The following TTLL11 variants were observed in gnomAD, a reference collection of about 807,000 sequenced individuals.
The protein encoded by TTLL11 is tubulin polyglutamylase TTLL11.
In TTLL11, 42 loss-of-function variants were observed where a neutral mutation model predicts 51.7. That is an observed-to-expected ratio of 0.81 (90% CI 0.64 to 1.05). The LOEUF (loss-of-function observed/expected upper bound fraction) is 1.05, where lower values mean the gene tolerates loss of function less well. Ranked by LOEUF, TTLL11 falls within the 50% of genes least tolerant of loss-of-function variation. The pLI, the probability that TTLL11 is intolerant of heterozygous loss-of-function variation, is 0.00. For synonymous variants in TTLL11, 381 were observed against 383.5 expected (o/e 0.99, Z 0.08); for missense variants, 799 against 940.4 (o/e 0.85, Z 1.97).
At chr9:122,067,017 G>A (rs1234653577) in intron 1 of TTLL11, among the ~76,000 whole-genome samples, 1 of 152,084 alleles carries the variant, frequency 6.6e-6, no homozygotes, top group Non-Finnish European at 1.5e-5. Flanking sequence ...ACCTTCACCT[G>A]GTCTCTCCCT....
chr9:122,090,102 C>A (rs1300339328), intron 1 of TTLL11, among the ~76,000 whole-genome samples: 1 of 152,130 alleles, frequency 6.6e-6, no homozygotes, highest in Non-Finnish European at 1.5e-5. Flanking sequence ...GTGACCAGTG[C>A]AACAGTCTCA....
chr9:122,073,186 G>T (rs144372639), intron 1 of TTLL11, among the ~76,000 whole-genome samples: 1 of 152,106 alleles, frequency 6.6e-6, no homozygotes, highest in African/African-American at 2.4e-5. Context: ...GAGATAGGCG[G>T]ATCACTTGAG....
intron 6 of TTLL11, among the ~76,000 whole-genome samples, chr9:121,897,741 C>G (rs1041673653): frequency 6.6e-6 from 1 of 152,146 alleles, no homozygotes; most frequent in East Asian, 1.9e-4. Flanking sequence ...CCCATGTCTC[C>G]ATTCTGATGC....
At chr9:121,958,069 C>T (rs1036780536) in intron 6 of TTLL11, among the ~76,000 whole-genome samples, 1 of 152,236 alleles carries the variant, frequency 6.6e-6, no homozygotes, top group Admixed American at 6.5e-5. Context: ...AGATCTGCTT[C>T]AGTGCCTTAT....
rs1007006705 is a variant in TTLL11 at position 121,820,479 on chromosome 9, G to T, written c.*2108C>A. Among the ~76,000 whole-genome samples, 2 of 152,108 alleles carry T rather than the reference G, an allele frequency of 1.3e-5. No homozygotes were observed. The highest frequency in any genetic ancestry group is 4.8e-5 in the African/African-American group (2 of 41,394). On this transcript the variant is annotated 3_prime_UTR_variant, in exon 9 of 9. Coordinates refer to ENST00000321582, the MANE Select transcript of TTLL11 (RefSeq NM_001139442.2). ...TTGTTTCTCACAATGGACCATTTAGGAGCCCTGACTGCCTTGTCCCATGCC... is the reference window on the plus strand; with the variant it reads ...TTGTTTCTCACAATGGACCATTTAGTAGCCCTGACTGCCTTGTCCCATGCC...
At chr9:121,988,806 A>G (rs1007021615) in intron 4 of TTLL11, 9 of 287,116 alleles carry the variant, frequency 3.1e-5, no homozygotes, top group Non-Finnish European at 5.2e-5. Context: ...TGCTGTCTCA[A>G]TAGAACCCAG....
At chr9:121,866,827 C>A (rs1046278175) in intron 7 of TTLL11, among the ~76,000 whole-genome samples, 3 of 152,128 alleles carry the variant, frequency 2.0e-5, no homozygotes, top group Non-Finnish European at 2.9e-5. Context: ...GCTGCCTGGT[C>A]CCCACTTGAA....
At chr9:121,899,096 C>A (rs1200664299) in intron 6 of TTLL11, among the ~76,000 whole-genome samples, 2 of 152,082 alleles carry the variant, frequency 1.3e-5, no homozygotes, top group South Asian at 4.2e-4. Context: ...CCTCCCTGGG[C>A]CCCTCTGCTC....
At chr9:122,039,882 T>A (rs1013153641) in intron 1 of TTLL11, among the ~76,000 whole-genome samples, 5 of 151,656 alleles carry the variant, frequency 3.3e-5, no homozygotes, top group African/African-American at 1.2e-4. Flanking sequence ...TCTCTCTCTC[T>A]CTCTCACACA....
chr9:121,931,922 T>C (rs1841000201), intron 6 of TTLL11, among the ~76,000 whole-genome samples: 1 of 152,198 alleles, frequency 6.6e-6, no homozygotes, highest in Admixed American at 6.5e-5. Context: ...CTCTCTGAAT[T>C]CTTGCAGTGC....
intron 1 of TTLL11, among the ~76,000 whole-genome samples, chr9:122,090,687 A>C (rs573899482): frequency 3.3e-5 from 5 of 152,322 alleles, no homozygotes; most frequent in South Asian, 2.1e-4. Context: ...CTGTGTGCCA[A>C]GTACCTGCGG....
At chr9:122,010,396 G>A (rs943319785) in intron 3 of TTLL11, among the ~76,000 whole-genome samples, 1 of 152,094 alleles carries the variant, frequency 6.6e-6, no homozygotes, top group Non-Finnish European at 1.5e-5. Context: ...CTATCTCAGG[G>A]GCTGGCAAAC....
At chr9:121,863,104 C>T (rs1479281856) in intron 7 of TTLL11, among the ~76,000 whole-genome samples, 1 of 152,174 alleles carries the variant, frequency 6.6e-6, no homozygotes, top group East Asian at 1.9e-4. Context: ...CTGCTTCCTC[C>T]TGGGCTCCTG....
chr9:121,974,083 A>T lies in TTLL11; in HGVS notation c.1407T>A (p.Asp469Glu), dbSNP rs1258667862. The change falls in exon 6 of 9, where the codon GAT becomes GAA. Residue 469 changes from aspartate (D) to glutamate (E), a missense_variant. Physicochemically the swap from Asp to Glu is conservative, Grantham distance 45. Coordinates refer to ENST00000321582, the MANE Select transcript of TTLL11 (RefSeq NM_001139442.2). The part of the protein sequence containing the change: ...GVFENVPSLV[D>E]EEVKVAVIRD... The stretch of plus-strand genomic sequence containing the variant: ...TGATCACAGCCACTTTCACTTCTTC[A>T]TCAACGAGGCTGGGGACATTTTCAA... The T allele has an allele frequency of 1.3e-6, 2 of 1,551,560 alleles. No individual in the cohort carries two copies. The highest frequency in any genetic ancestry group is 2.4e-5 in the East Asian group (1 of 40,916).
chr9:121,989,127 C>G lies in TTLL11; in HGVS notation c.1269+68G>C. 3 of 1,579,674 alleles carry G rather than the reference C, an allele frequency of 1.9e-6. No individual in the cohort carries two copies. The highest frequency in any genetic ancestry group is 1.2e-5 in the South Asian group (1 of 84,496). On this transcript the variant is annotated intron_variant, in intron 4 of 8. Coordinates refer to ENST00000321582, the MANE Select transcript of TTLL11 (RefSeq NM_001139442.2). This position sits in a 1 kb window ranked among gnomAD's most constrained non-coding sequence, Gnocchi z 4.2. ...TCCCACCCCGATCACTCATCCTACA[C>G]GAAGCCAGAGAGCCCTCTTGAGGCC...
chr9:121,926,580 G>A (rs992521374), intron 6 of TTLL11, among the ~76,000 whole-genome samples: 2 of 152,204 alleles, frequency 1.3e-5, no homozygotes, highest in Admixed American at 6.5e-5. Context: ...CCTGAGGCTG[G>A]GGAGGACAGC....
chr9:121,895,427 G>C (rs1366348021), intron 6 of TTLL11, among the ~76,000 whole-genome samples: 2 of 151,262 alleles, frequency 1.3e-5, no homozygotes, highest in Non-Finnish European at 2.9e-5. Context: ...AGTGTGCGCT[G>C]CGTGTGTGTC....
intron 6 of TTLL11, among the ~76,000 whole-genome samples, chr9:121,924,148 G>A (rs1230484742): frequency 2.6e-5 from 4 of 152,162 alleles, no homozygotes; most frequent in East Asian, 1.9e-4. Flanking sequence ...TCAGCAGCAC[G>A]AAAACGGACT....
At chr9:121,970,298 T>G (rs1018300654) in intron 6 of TTLL11, among the ~76,000 whole-genome samples, 1 of 152,228 alleles carries the variant, frequency 6.6e-6, no homozygotes, top group Non-Finnish European at 1.5e-5. Context: ...GCAGCTCATA[T>G]AGATGACATA....
Sources: allele counts gnomAD v4.1 joint callset (sites outside exome capture counted in the v4.1 genomes callset), GRCh38; gene constraint gnomAD v4.1.1; non-coding constraint Gnocchi (gnomAD v3.1); transcripts MANE v1.5; gene names NCBI Gene and HGNC (gene_info 2026-07-23, HGNC 2026-07-21).